The following MOCOS variants were observed in gnomAD, a reference collection of about 807,000 sequenced individuals.
MOCOS encodes human molybdenum cofactor sulfurase.
In MOCOS, 86 loss-of-function variants were observed where a neutral mutation model predicts 83.6. The observed-to-expected ratio is 1.03, with a 90% CI of 0.86 to 1.23. The LOEUF (loss-of-function observed/expected upper bound fraction) is 1.23. MOCOS is among the 50% of genes most tolerant of loss of function. The probability of loss-of-function intolerance (pLI) is 0.00; values close to 1 mark genes in which losing one functional copy is unlikely to be tolerated. For missense variants in MOCOS, 1,120 were observed against 1,126.9 expected (o/e 0.99, Z 0.09); for synonymous variants, 445 against 434.7 (o/e 1.02, Z -0.29).
At position 36,195,266 on chromosome 18, in the gene MOCOS, A is replaced by G. The variant is rs1036066246; in HGVS notation, c.152A>G (p.Tyr51Cys). The G allele has an allele frequency of 5.6e-6, 9 of 1,613,960 alleles. No individual in the cohort carries two copies. In the South Asian group the frequency reaches 6.6e-5, roughly 12 times the overall value. ...TTGTGTTTTCTTTCAGGAACTGTCT[A>G]TCTTGACCATGCAGGTGCCACCTTG... ...REFSRLAGTV[Y>C]LDHAGATLFS... The change falls in exon 2 of 15, where the codon TAT becomes TGT. Residue 51 changes from tyrosine to cysteine, a missense_variant. By Grantham distance (194) the Tyr-to-Cys change is radical. Transcript: ENST00000261326.
chr18:36,215,907 AG>A lies in MOCOS; in HGVS notation c.1732del (p.Ala578ProfsTer23), dbSNP rs754291344. Reference protein sequence around the residue: ...TPSEKAAGVLEGALGPHVVTN... With the variant: ...TPSEKAAGVLXGALGPHVVTN... ...TCAGAGAAAGCTGCAGGAGTCCTGG[AG>A]GGGGCCCTTGGGCCACATGTTGTCA... is the stretch of plus-strand genomic sequence containing the variant. On this transcript the variant is annotated frameshift_variant, in exon 8 of 15. Coordinates refer to ENST00000261326, the MANE Select transcript of MOCOS (RefSeq NM_017947.4). LOFTEE classifies it high-confidence loss of function. 1 of 1,613,794 alleles carries A rather than the reference AG, an allele frequency of 6.2e-7. No homozygotes were observed.
At chr18:36,201,674 A>AAAAAAAAAAG (rs1205619664) in intron 4 of MOCOS, among the ~76,000 whole-genome samples, 15 of 147,924 alleles carry the variant, frequency 1.0e-4, no homozygotes, top group African/African-American at 3.9e-4. Flanking sequence ...AAAAAAAAAA[A>AAAAAAAAAAG]AAAAAGAAAT....
At position 36,187,532 on chromosome 18, in the gene MOCOS, C is replaced by G. The variant is rs752948220; in HGVS notation, c.-8C>G. 1.6e-6 allele frequency: 2 copies of G among 1,234,286 alleles called. No individual in the cohort carries two copies. The highest frequency in any genetic ancestry group is 3.1e-5 in the African/African-American group (2 of 64,450). 76.5% of individuals were successfully genotyped at this position (1,234,286 alleles called of 1,614,324 possible). A position where few individuals can be genotyped will look rare whatever the true frequency, so the allele number is the denominator to read the frequency against. ...GGCCCGGCCGGCCTGGATGGACTAG[C>G]CGGGGCCATGGCCGGCGCGGCGGCG... On this transcript the variant is annotated 5_prime_UTR_variant, in exon 1 of 15. Coordinates refer to ENST00000261326, the MANE Select transcript of MOCOS (RefSeq NM_017947.4).
chr18:36,263,574 T>G (rs1012955606), intron 13 of MOCOS, among the ~76,000 whole-genome samples: 2 of 152,180 alleles, frequency 1.3e-5, no homozygotes, highest in African/African-American at 4.8e-5. Flanking sequence ...ACATACACAG[T>G]TGTATGCAGT....
At chr18:36,244,677 T>C (rs1012550595) in intron 9 of MOCOS, among the ~76,000 whole-genome samples, 2 of 152,158 alleles carry the variant, frequency 1.3e-5, no homozygotes, top group Non-Finnish European at 2.9e-5. Flanking sequence ...GATTCTTTGT[T>C]GACCTGTCTT....
intron 6 of MOCOS, among the ~76,000 whole-genome samples, chr18:36,209,104 G>A (rs185871061): frequency 6.6e-6 from 1 of 151,690 alleles, no homozygotes; most frequent in East Asian, 1.9e-4. Flanking sequence ...ATATTGATTT[G>A]TGTACGTTGA....
intron 9 of MOCOS, among the ~76,000 whole-genome samples, chr18:36,226,470 T>C (rs1203855556): frequency 6.7e-6 from 1 of 150,338 alleles, no homozygotes; most frequent in African/African-American, 2.4e-5. Flanking sequence ...TTATGTCTTT[T>C]TATGCTTCTT....
intron 10 of MOCOS, among the ~76,000 whole-genome samples, 166 bp from the exon 11 acceptor site, chr18:36,250,993 G>A (rs762669179): frequency 5.9e-5 from 9 of 152,154 alleles, no homozygotes; most frequent in Non-Finnish European, 1.0e-4. Flanking sequence ...ATGGCAGGTC[G>A]TCCTGCCTTG....
intron 13 of MOCOS, among the ~76,000 whole-genome samples, chr18:36,265,269 A>T (rs2091678006): frequency 1.3e-5 from 2 of 152,370 alleles, no homozygotes; most frequent in Middle Eastern, 3.4e-3. Flanking sequence ...CATGAAGGAC[A>T]TGGAGGAATT....
At chr18:36,194,490 A>G (rs1000496080) in intron 1 of MOCOS, among the ~76,000 whole-genome samples, 4 of 152,226 alleles carry the variant, frequency 2.6e-5, no homozygotes, top group African/African-American at 9.7e-5. Context: ...ATTGCAGGCA[A>G]TAGTTCGTCG....
At chr18:36,259,495 T>C (rs1280839674) in intron 12 of MOCOS, among the ~76,000 whole-genome samples, 1 of 148,768 alleles carries the variant, frequency 6.7e-6, no homozygotes. Context: ...GATGTTACAC[T>C]GCAAATAGAA....
At chr18:36,256,885 T>A in intron 11 of MOCOS, 83 bp from the exon 12 acceptor site, 7 of 1,238,258 alleles carry the variant, frequency 5.7e-6, no homozygotes, top group Non-Finnish European at 8.3e-6. Context: ...CTCTACCTTT[T>A]AAAAAAATAC....
intron 11 of MOCOS, among the ~76,000 whole-genome samples, chr18:36,256,050 G>T (rs193273460): frequency 6.6e-6 from 1 of 151,508 alleles, no homozygotes; most frequent in Non-Finnish European, 1.5e-5. Context: ...GTGGCACTGC[G>T]CCCAGCTAAT....
chr18:36,258,702 A>T (rs2091651585), intron 12 of MOCOS, among the ~76,000 whole-genome samples: 1 of 152,198 alleles, frequency 6.6e-6, no homozygotes, highest in Admixed American at 6.5e-5. Context: ...AGCACAAAAA[A>T]GTGCAAAAGT....
intron 5 of MOCOS, 51 bp from the exon 6 acceptor site, chr18:36,205,023 ATTG>A: frequency 2.7e-5 from 27 of 996,716 alleles, no homozygotes; most frequent in South Asian, 5.5e-5. Context: ...AAAAGAGTGA[ATTG>A]AGAATTTACA....
chr18:36,211,537 G>A (rs903708942), intron 6 of MOCOS, among the ~76,000 whole-genome samples: 3 of 152,096 alleles, frequency 2.0e-5, no homozygotes, highest in African/African-American at 7.3e-5. Context: ...AGGCTCCCGG[G>A]CTGGGAGCCT....
rs563451279 is a variant in MOCOS at position 36,205,684 on chromosome 18, C to T, written c.1218+408C>T. Among the ~76,000 whole-genome samples, 240 of 152,244 alleles carry T rather than the reference C, an allele frequency of 1.6e-3. 2 individuals carry two copies. Among genetic ancestry groups the T allele is most frequent in the African/African-American group, 5.3e-3 (221 of 41,540 alleles). On this transcript the variant is annotated intron_variant, in intron 6 of 14. Coordinates refer to ENST00000261326, the MANE Select transcript of MOCOS (RefSeq NM_017947.4). ...CAGCACTGTGGGGAATGGATTCAAT[C>T]GTTGGGTGTTTGGAAGACGGTGCTG...
chr18:36,264,424 G>A (rs1484502214), intron 13 of MOCOS, among the ~76,000 whole-genome samples: 2 of 152,138 alleles, frequency 1.3e-5, no homozygotes, highest in African/African-American at 4.8e-5. Flanking sequence ...GTAAGAGGGT[G>A]CAGGAGCCAC....
chr18:36,207,025 C>T (rs1318102162), intron 6 of MOCOS, among the ~76,000 whole-genome samples: 2 of 152,130 alleles, frequency 1.3e-5, no homozygotes, highest in South Asian at 2.1e-4. Context: ...ATTGGGATGG[C>T]TGGATTCAAT....
Sources: allele counts gnomAD v4.1 joint callset (sites outside exome capture counted in the v4.1 genomes callset), GRCh38; gene constraint gnomAD v4.1.1; transcripts MANE v1.5; gene names NCBI Gene and HGNC (gene_info 2026-07-23, HGNC 2026-07-21).